Variants in BLTP3A observed in about 807,000 individuals in gnomAD.
BLTP3A encodes ICBP90 binding protein 1.
At chr6:34,870,817 C>T in the BLTP3A span, 71 of 1,605,574 alleles carry the variant, frequency 4.4e-5, 1 homozygote, top group South Asian at 6.6e-4. Flanking sequence ...ACTCCCTGGC[C>T]GTTAATTAGT....
chr6:34,858,475 G>A, the BLTP3A span: 1 of 1,614,112 alleles, frequency 6.2e-7, no homozygotes, highest in Non-Finnish European at 8.5e-7. Flanking sequence ...GGACTTTGAG[G>A]GAACAGAAAA....
At chr6:34,871,652 T>A in the BLTP3A span, 1 of 1,614,190 alleles carries the variant, frequency 6.2e-7, no homozygotes, top group Non-Finnish European at 8.5e-7. Flanking sequence ...TGGAACATGT[T>A]GTGCTGAAGA....
chr6:34,855,476 C>G, the BLTP3A span: 2 of 892,314 alleles, frequency 2.2e-6, no homozygotes, highest in Non-Finnish European at 3.4e-6. Context: ...TGCAAATCAC[C>G]TCACATCCTG....
the BLTP3A span, chr6:34,834,836 G>A: frequency 6.2e-7 from 1 of 1,614,062 alleles, no homozygotes; most frequent in Non-Finnish European, 8.5e-7. Flanking sequence ...AACCAAGGCA[G>A]GATCCAAATA....
chr6:34,863,913 T>C, the BLTP3A span: 3 of 1,293,974 alleles, frequency 2.3e-6, no homozygotes, highest in East Asian at 7.5e-5. Flanking sequence ...TCCAGTTGTC[T>C]GAGCTGAAAG....
chr6:34,813,751 T>C, the BLTP3A span, among the ~76,000 whole-genome samples: 1 of 152,242 alleles, frequency 6.6e-6, no homozygotes, highest in African/African-American at 2.4e-5. Context: ...AATATCTGGT[T>C]GCAGTTTGTG....
At chr6:34,856,745 G>C in the BLTP3A span, 1 of 1,598,274 alleles carries the variant, frequency 6.3e-7, no homozygotes, top group Non-Finnish European at 8.5e-7. Context: ...TTAGTAATGA[G>C]AGTTGAATGT....
chr6:34,857,808 G>T, the BLTP3A span: 1 of 1,613,974 alleles, frequency 6.2e-7, no homozygotes, highest in Admixed American at 1.7e-5. Context: ...AACCTCTTTT[G>T]CCTGGATTTA....
the BLTP3A span, chr6:34,835,259 G>C: frequency 6.2e-7 from 1 of 1,604,470 alleles, no homozygotes; most frequent in African/African-American, 1.3e-5. Flanking sequence ...AATGATACGA[G>C]GTGATAAACC....
the BLTP3A span, chr6:34,876,612 A>ACAT: frequency 6.6e-6 from 1 of 152,208 alleles, no homozygotes; most frequent in Admixed American, 6.5e-5. Flanking sequence ...TAGTTCGATG[A>ACAT]CATCTTGTTA....
chr6:34,859,639 G>C, the BLTP3A span: 1 of 1,576,514 alleles, frequency 6.3e-7, no homozygotes, highest in Non-Finnish European at 8.6e-7. Flanking sequence ...TGGGTTTAAG[G>C]CCTCTTACTA....
At chr6:34,827,275 C>T in the BLTP3A span, among the ~76,000 whole-genome samples, 1 of 151,616 alleles carries the variant, frequency 6.6e-6, no homozygotes, top group Admixed American at 6.6e-5. Context: ...CGTGCCACTG[C>T]ACTCCAGCCT....
chr6:34,797,893 G>A, the BLTP3A span, among the ~76,000 whole-genome samples: 3 of 152,228 alleles, frequency 2.0e-5, no homozygotes, highest in Non-Finnish European at 4.4e-5. Flanking sequence ...AAGTGATAGA[G>A]ATTCAAATGC....
the BLTP3A span, chr6:34,855,794 G>T: frequency 1.9e-6 from 3 of 1,584,652 alleles, no homozygotes; most frequent in Non-Finnish European, 2.6e-6. Flanking sequence ...TTAACAGGAG[G>T]TTGCCAGAGA....
At chr6:34,856,468 A>G in the BLTP3A span, 4 of 1,563,584 alleles carry the variant, frequency 2.6e-6, no homozygotes, top group East Asian at 4.5e-5. Flanking sequence ...TTATCTTTGA[A>G]TAACAGTGGA....
the BLTP3A span, chr6:34,870,716 A>T: frequency 8.2e-7 from 1 of 1,216,876 alleles, no homozygotes. Context: ...TGGGCAAGTT[A>T]TTCTCTGTGA....
At chr6:34,852,143 C>G in the BLTP3A span, among the ~76,000 whole-genome samples, 2 of 152,144 alleles carry the variant, frequency 1.3e-5, no homozygotes, top group African/African-American at 4.8e-5. Flanking sequence ...TACCCAGCTG[C>G]AAGACAAAGT....
the BLTP3A span, chr6:34,873,820 G>A: frequency 1.3e-5 from 2 of 152,518 alleles, no homozygotes; most frequent in East Asian, 3.8e-4. Context: ...CTAGTTTGAT[G>A]AGGATAAAAA....
the BLTP3A span, among the ~76,000 whole-genome samples, chr6:34,813,453 G>A: frequency 1.3e-5 from 2 of 152,140 alleles, no homozygotes; most frequent in East Asian, 1.9e-4. Flanking sequence ...TTTCCCTGTC[G>A]TCTCTTTGGC....
Sources: gnomAD v4.1 joint callset for allele counts (sites outside exome capture counted in the v4.1 genomes callset) on GRCh38, gnomAD v4.1.1 for gene constraint, MANE v1.5 for transcripts, NCBI Gene and HGNC (gene_info 2026-07-23, HGNC 2026-07-21) for gene names.